Variants in SKAP2 observed in about 807,000 individuals in gnomAD.
SKAP2 encodes src kinase associated phosphoprotein 2.
Under a neutral mutation model 54.9 loss-of-function variants are expected in SKAP2, and 28 were observed. That is an observed-to-expected ratio of 0.51 (90% CI 0.38 to 0.70). The LOEUF (loss-of-function observed/expected upper bound fraction) is 0.70. Ranked by LOEUF, SKAP2 falls within the 30% of genes least tolerant of loss-of-function variation. The pLI is 0.00. For missense variants in SKAP2, 356 were observed against 424.1 expected, an observed-to-expected ratio of 0.84 and a Z score of 1.41; for synonymous variants, 137 against 134.3, an observed-to-expected ratio of 1.02 and a Z score of -0.14.
chr7:26,787,012 G>A (rs1423320969), intron 4 of SKAP2, among the ~76,000 whole-genome samples: 1 of 152,100 alleles, frequency 6.6e-6, no homozygotes, highest in Non-Finnish European at 1.5e-5. Context: ...TAAAGTTAAA[G>A]TAGAAATCTA....
chr7:26,786,665 T>TA (rs1303527126), intron 4 of SKAP2, among the ~76,000 whole-genome samples: 1 of 152,200 alleles, frequency 6.6e-6, no homozygotes, highest in Non-Finnish European at 1.5e-5. Context: ...AAAACATTCT[T>TA]AATTATAATA....
At chr7:26,710,055 C>T (rs1787265915) in intron 9 of SKAP2, among the ~76,000 whole-genome samples, 1 of 152,106 alleles carries the variant, frequency 6.6e-6, no homozygotes. Context: ...TGCAGTAATT[C>T]ATGTCAGGAA....
intron 6 of SKAP2, among the ~76,000 whole-genome samples, chr7:26,735,375 T>C (rs1029894172): frequency 3.3e-5 from 5 of 152,188 alleles, no homozygotes; most frequent in Non-Finnish European, 7.4e-5. Context: ...GGTGTTAAAA[T>C]ACATACTATA....
At chr7:26,675,851 G>A (rs1156912086) in intron 11 of SKAP2, among the ~76,000 whole-genome samples, 3 of 152,320 alleles carry the variant, frequency 2.0e-5, no homozygotes, top group South Asian at 2.1e-4. Flanking sequence ...CATGGGATGT[G>A]CCTTGTCTAA....
intron 10 of SKAP2, among the ~76,000 whole-genome samples, chr7:26,687,178 C>G (rs1786665575): frequency 2.0e-5 from 3 of 149,914 alleles, no homozygotes; most frequent in Non-Finnish European, 4.5e-5. Context: ...CTTGCTGAAA[C>G]TCCCATTAAC....
intron 9 of SKAP2, among the ~76,000 whole-genome samples, chr7:26,724,571 T>C (rs1787655955): frequency 6.6e-6 from 1 of 152,206 alleles, no homozygotes; most frequent in African/African-American, 2.4e-5. Flanking sequence ...TAAATTGTTA[T>C]ATTCAGAGCA....
At chr7:26,843,550 G>T (rs186928174) in intron 4 of SKAP2, among the ~76,000 whole-genome samples, 1 of 151,832 alleles carries the variant, frequency 6.6e-6, no homozygotes, top group East Asian at 1.9e-4. Flanking sequence ...ATGAAAATGC[G>T]CATTAAAAGA....
rs1026389068 is a variant in SKAP2, at chr7:26,779,778, C to T, written c.308-39814G>A. 3.3e-5 allele frequency among the ~76,000 whole-genome samples: 5 copies of T among 151,966 alleles called. No homozygotes were observed. In the East Asian group the frequency reaches 9.7e-4, roughly 29 times the overall value. On this transcript the variant is annotated intron_variant, in intron 4 of 12. Transcript: ENST00000345317. ...TTAGATATAAACAACAGAAAATATG[C>T]CTAGAGTCTGCTTTTAAAAAACAAG...
chr7:26,689,769 C>T (rs117434009), intron 10 of SKAP2, among the ~76,000 whole-genome samples: 25 of 152,268 alleles, frequency 1.6e-4, no homozygotes, highest in Non-Finnish European at 3.1e-4. Flanking sequence ...AGCTGTGGGT[C>T]GACTGTCAGA....
intron 4 of SKAP2, among the ~76,000 whole-genome samples, chr7:26,788,638 G>C (rs1473234060): frequency 6.6e-6 from 1 of 152,020 alleles, no homozygotes; most frequent in Non-Finnish European, 1.5e-5. Context: ...GAAAAATCAG[G>C]TAAGAAAGCT....
intron 3 of SKAP2, among the ~76,000 whole-genome samples, chr7:26,853,009 C>G (rs586947): frequency 0.75 from 114,126 of 152,040 alleles, 43,255 homozygotes; most frequent in East Asian, 0.95. Flanking sequence ...ACAAAAAAAA[C>G]TGGGTACTTA....
chr7:26,701,326 A>G (rs1407344776), intron 9 of SKAP2, among the ~76,000 whole-genome samples: 1 of 152,226 alleles, frequency 6.6e-6, no homozygotes, highest in Non-Finnish European at 1.5e-5. Context: ...AAACAAAAAC[A>G]CACAACTGTC....
At chr7:26,761,537 C>A (rs1168960993) in intron 4 of SKAP2, among the ~76,000 whole-genome samples, 1 of 152,184 alleles carries the variant, frequency 6.6e-6, no homozygotes, top group Admixed American at 6.5e-5. Flanking sequence ...TACAAGACAA[C>A]TGGCTCTAAT....
chr7:26,686,776 G>C (rs868312552), intron 10 of SKAP2, among the ~76,000 whole-genome samples: 1 of 152,124 alleles, frequency 6.6e-6, no homozygotes, highest in Non-Finnish European at 1.5e-5. Context: ...TTAGAGCAAA[G>C]AGAGGATGAC....
intron 4 of SKAP2, among the ~76,000 whole-genome samples, chr7:26,829,177 T>C (rs1273930876): frequency 2.0e-5 from 3 of 152,190 alleles, no homozygotes; most frequent in Non-Finnish European, 4.4e-5. Context: ...ACCAATCATA[T>C]ATCTGATAAG....
At chr7:26,749,706 A>C (rs987465603) in intron 4 of SKAP2, among the ~76,000 whole-genome samples, 6 of 151,234 alleles carry the variant, frequency 4.0e-5, no homozygotes, top group African/African-American at 1.5e-4. Flanking sequence ...ACTGCACTCC[A>C]GCCTGGGTGA....
At chr7:26,755,127 C>T (rs1227432256) in intron 4 of SKAP2, among the ~76,000 whole-genome samples, 2 of 152,094 alleles carry the variant, frequency 1.3e-5, no homozygotes, top group African/African-American at 2.4e-5. Flanking sequence ...TTTTATCTAC[C>T]TTAATATTGA....
intron 4 of SKAP2, among the ~76,000 whole-genome samples, chr7:26,823,330 G>A (rs1005198914): frequency 6.7e-6 from 1 of 149,724 alleles, no homozygotes; most frequent in African/African-American, 2.5e-5. Context: ...GGAGGCTGAG[G>A]CACGAGAATT....
At chr7:26,805,883 T>C (rs947960244) in intron 4 of SKAP2, among the ~76,000 whole-genome samples, 1 of 152,220 alleles carries the variant, frequency 6.6e-6, no homozygotes, top group South Asian at 2.1e-4. Context: ...CTTCTACAAG[T>C]TGACGGTCTG....
Sources: allele counts gnomAD v4.1 joint callset (sites outside exome capture counted in the v4.1 genomes callset), GRCh38; gene constraint gnomAD v4.1.1; transcripts MANE v1.5; gene names NCBI Gene and HGNC (gene_info 2026-07-23, HGNC 2026-07-21).